Variants in GRIN2B observed in about 807,000 individuals in gnomAD.
The protein encoded by GRIN2B is glutamate ionotropic receptor NMDA type subunit 2B, also known as glutamate receptor ionotropic, NMDA 2B.
A neutral mutation model predicts 114.5 loss-of-function variants in GRIN2B; 5 were observed. The observed-to-expected ratio is 0.04, with a 90% confidence interval of 0.02 to 0.09. The LOEUF is 0.09. Among genes scored for constraint, GRIN2B ranks in the 10% least tolerant of loss-of-function variants. GRIN2B has a pLI of 1.00. For synonymous variants in GRIN2B, 787 were observed against 745.1 expected, an observed-to-expected ratio of 1.06 and a Z score of -0.92; for missense variants, 1,108 against 1,943.5, an observed-to-expected ratio of 0.57 and a Z score of 8.08.
chr12:13,670,900 C>T (rs1162359985), intron 5 of GRIN2B, among the ~76,000 whole-genome samples: 2 of 152,150 alleles, frequency 1.3e-5, no homozygotes, highest in African/African-American at 4.8e-5. Context: ...AGGTTCCTTA[C>T]ATAGGATCCC....
chr12:13,790,520 C>A (rs1864302559), intron 3 of GRIN2B, among the ~76,000 whole-genome samples: 1 of 152,136 alleles, frequency 6.6e-6, no homozygotes, highest in African/African-American at 2.4e-5. Context: ...TTTGAGAGAC[C>A]CAAATAGATA....
chr12:13,857,099 A>C (rs1022354222), intron 3 of GRIN2B, among the ~76,000 whole-genome samples: 10 of 152,198 alleles, frequency 6.6e-5, no homozygotes, highest in Admixed American at 6.5e-4. Context: ...ACCTTGGAGA[A>C]GTGAGAGATG....
At chr12:13,911,685 C>T (rs945294630) in intron 2 of GRIN2B, among the ~76,000 whole-genome samples, 4 of 152,112 alleles carry the variant, frequency 2.6e-5, no homozygotes, top group African/African-American at 9.7e-5. Flanking sequence ...TACGTACACA[C>T]GCACCCTCAA....
chr12:13,795,195 G>GA (rs1347824972), intron 3 of GRIN2B, among the ~76,000 whole-genome samples: 1 of 152,124 alleles, frequency 6.6e-6, no homozygotes, highest in African/African-American at 2.4e-5. Flanking sequence ...ATTGGGTAGA[G>GA]AAAAAATATC....
intron 2 of GRIN2B, among the ~76,000 whole-genome samples, chr12:13,925,775 G>A (rs1424801271): frequency 6.6e-6 from 1 of 152,132 alleles, no homozygotes; most frequent in Non-Finnish European, 1.5e-5. Flanking sequence ...ATTTTGATGA[G>A]CTAGTTCAAA....
In GRIN2B at chr12:13,545,473, A is replaced by G. The variant is rs1321804909; in HGVS notation, c.*17310T>C. 2.0e-5 allele frequency: 3 copies of G among 152,208 alleles called. No individual in the cohort carries two copies. Among genetic ancestry groups the G allele is most frequent in the African/African-American group, 2.4e-5 (1 of 41,440 alleles). The allele number at this position is 152,208 out of a possible 1,614,324, so 9.4% of individuals were successfully genotyped here. ...CAATAAATATCAACATGGATAAGTC[A>G]TTTATCCAAAACATGCTCTGAAGCC... On this transcript the variant is annotated 3_prime_UTR_variant, in exon 14 of 14. Coordinates refer to ENST00000609686, the MANE Select transcript of GRIN2B (RefSeq NM_000834.5).
intron 4 of GRIN2B, among the ~76,000 whole-genome samples, chr12:13,733,063 T>C (rs1284413231): frequency 6.6e-6 from 1 of 152,050 alleles, no homozygotes; most frequent in Non-Finnish European, 1.5e-5. Flanking sequence ...GTGAACAGAT[T>C]TGGGATACAT....
intron 3 of GRIN2B, among the ~76,000 whole-genome samples, chr12:13,806,193 G>C (rs1864596776): frequency 6.6e-6 from 1 of 152,116 alleles, no homozygotes; most frequent in African/African-American, 2.4e-5. Context: ...ATGAACATGG[G>C]AGTCAGCTTT....
chr12:13,926,621 G>T (rs1866916262), intron 2 of GRIN2B, among the ~76,000 whole-genome samples: 1 of 152,184 alleles, frequency 6.6e-6, no homozygotes, highest in Non-Finnish European at 1.5e-5. Flanking sequence ...CAAAGTCAAG[G>T]ACTTTACCAC....
In GRIN2B at chr12:13,541,622, G is replaced by A. The variant is rs1948281231; in HGVS notation, c.*21161C>T. On this transcript the variant is annotated 3_prime_UTR_variant, in exon 14 of 14. Coordinates refer to ENST00000609686, the MANE Select transcript of GRIN2B (RefSeq NM_000834.5). Reference sequence around the variant, plus strand: ...AAGAACTCAAGATGTGGCGTTAGATGAGCCAAGATGAACATAATTTAATCT... The same window carrying A: ...AAGAACTCAAGATGTGGCGTTAGATAAGCCAAGATGAACATAATTTAATCT... 6.6e-6 allele frequency: 1 copy of A among 152,228 alleles called. No individual in the cohort carries two copies. The highest frequency in any genetic ancestry group is 2.4e-5 in the African/African-American group (1 of 41,434). The allele number at this position is 152,228 out of a possible 1,614,324, so 9.4% of individuals were successfully genotyped here.
At chr12:13,585,846 T>C (rs1948915343) in intron 10 of GRIN2B, among the ~76,000 whole-genome samples, 1 of 152,208 alleles carries the variant, frequency 6.6e-6, no homozygotes, top group Non-Finnish European at 1.5e-5. Flanking sequence ...GTTTTTAATT[T>C]AGTCTCCACA....
intron 4 of GRIN2B, among the ~76,000 whole-genome samples, chr12:13,727,528 G>A (rs1049680891): frequency 8.5e-5 from 13 of 152,188 alleles, no homozygotes. Flanking sequence ...GACACAGCTT[G>A]TTCTTTAACT....
intron 2 of GRIN2B, among the ~76,000 whole-genome samples, chr12:13,920,049 C>T (rs1036663344): frequency 6.6e-6 from 1 of 151,976 alleles, no homozygotes; most frequent in East Asian, 1.9e-4. Context: ...TGGTAAAAAG[C>T]CCTCAGAGGA....
chr12:13,716,225 G>A lies in GRIN2B; in HGVS notation c.1010+37092C>T, dbSNP rs1950453886. ...AACAGCCTCTTAATAAATGTCCATTGATTAAATGCAGAAATGGGACTAGGG... is the reference window on the plus strand; with the variant it reads ...AACAGCCTCTTAATAAATGTCCATTAATTAAATGCAGAAATGGGACTAGGG... On this transcript the variant is annotated intron_variant, in intron 4 of 13. Coordinates refer to ENST00000609686, the MANE Select transcript of GRIN2B (RefSeq NM_000834.5). Among the ~76,000 whole-genome samples the A allele has an allele frequency of 2.6e-5, 4 of 151,896 alleles. No homozygotes were observed. The South Asian group carries it at 8.3e-4, about 32-fold the overall frequency.
At chr12:13,945,537 T>C (rs944674460) in intron 2 of GRIN2B, among the ~76,000 whole-genome samples, 10 of 152,184 alleles carry the variant, frequency 6.6e-5, no homozygotes, top group African/African-American at 2.4e-4. Context: ...GTGAATACAA[T>C]GGCAGCAGAT....
At chr12:13,590,793 T>G (rs1948999699) in intron 10 of GRIN2B, among the ~76,000 whole-genome samples, 1 of 152,170 alleles carries the variant, frequency 6.6e-6, no homozygotes, top group Non-Finnish European at 1.5e-5. Flanking sequence ...AAAGACCAGT[T>G]TTATAATTTG....
chr12:13,972,619 C>T lies in GRIN2B; in HGVS notation c.-19+7309G>A, dbSNP rs547798893. ...CAAGGGGGCTCTTGGGGGCAGGGCA[C>T]GGGAAAGGAAAGTACTGAAATGAGG... On this transcript the variant is annotated intron_variant, in intron 2 of 13. Transcript: ENST00000609686. Among the ~76,000 whole-genome samples the T allele has an allele frequency of 4.9e-4, 75 of 152,212 alleles. 1 individual carries two copies. In the South Asian group the frequency reaches 0.015, roughly 31 times the overall value.
chr12:13,842,539 T>C (rs1865396189), intron 3 of GRIN2B, among the ~76,000 whole-genome samples: 1 of 152,192 alleles, frequency 6.6e-6, no homozygotes, highest in Non-Finnish European at 1.5e-5. Context: ...ACTATGCATG[T>C]TCATCTATTT....
chr12:13,843,111 GAA>G (rs370233559), intron 3 of GRIN2B, among the ~76,000 whole-genome samples: 52 of 109,648 alleles, frequency 4.7e-4, no homozygotes, highest in South Asian at 1.3e-3. Flanking sequence ...CTACACTGGG[GAA>G]AAAAAAAAAA....
Sources: gnomAD v4.1 joint callset for allele counts (sites outside exome capture counted in the v4.1 genomes callset) on GRCh38, gnomAD v4.1.1 for gene constraint, MANE v1.5 for transcripts, NCBI Gene and HGNC (gene_info 2026-07-23, HGNC 2026-07-21) for gene names.